Variants in NECTIN1 observed in about 807,000 individuals in gnomAD.
NECTIN1 encodes the protein nectin cell adhesion molecule 1, also known as nectin-1.
A neutral mutation model predicts 48.0 loss-of-function variants in NECTIN1; 23 were observed. The observed-to-expected ratio is 0.48, with a 90% CI of 0.34 to 0.68. NECTIN1 has a LOEUF of 0.68. Ranked by LOEUF, NECTIN1 falls within the 30% of genes least tolerant of loss-of-function variation. The probability of loss-of-function intolerance (pLI) is 0.01; values close to 1 mark genes in which losing one functional copy is unlikely to be tolerated. For synonymous variants in NECTIN1, 270 were observed against 288.9 expected (o/e 0.93, Z 0.66); for missense variants, 591 against 709.9 (o/e 0.83, Z 1.90).
chr11:119,677,364 CAG>C lies in NECTIN1; in HGVS notation c.734-147_734-146del. The C allele has an allele frequency of 9.7e-7, 1 of 1,026,590 alleles. No homozygotes were observed. 63.6% of individuals were successfully genotyped at this position (1,026,590 alleles called of 1,614,324 possible). A position where few individuals can be genotyped will look rare whatever the true frequency, so the allele number is the denominator to read the frequency against. The stretch of plus-strand genomic sequence containing the variant: ...AGTGTGGGTGGGAGGGTGGCAATCA[CAG>C]AGCCCGGGAGTGGAAACAGGAGGGC... On this transcript the variant is annotated intron_variant, in intron 3 of 5. Transcript: ENST00000264025. The surrounding 1 kb of genome is among the most constrained non-coding windows in gnomAD (Gnocchi z 5.4).
chr11:119,706,460 T>C (rs543808911), intron 1 of NECTIN1, among the ~76,000 whole-genome samples: 1 of 152,288 alleles, frequency 6.6e-6, no homozygotes, highest in African/African-American at 2.4e-5. Flanking sequence ...TGAGAACTGC[T>C]GGTTGCCTAG....
intron 5 of NECTIN1, among the ~76,000 whole-genome samples, chr11:119,669,410 C>CA (rs398045650): frequency 0.08 from 10,458 of 130,048 alleles, 966 homozygotes; most frequent in African/African-American, 0.22. Flanking sequence ...GACTCCGTCT[C>CA]AAAAAAAAAA....
intron 1 of NECTIN1, among the ~76,000 whole-genome samples, chr11:119,695,107 G>A (rs1865321185): frequency 6.6e-6 from 1 of 152,172 alleles, no homozygotes; most frequent in African/African-American, 2.4e-5. Context: ...TCCCCAGTAT[G>A]CTGAGAAACT....
At position 119,677,091 on chromosome 11, in the gene NECTIN1, G is replaced by A. The variant is rs1334136758; in HGVS notation, c.851+11C>T. On this transcript the variant is annotated intron_variant, in intron 4 of 5. Transcript: ENST00000264025. The surrounding 1 kb of genome is among the most constrained non-coding windows in gnomAD (Gnocchi z 5.4). The stretch of plus-strand genomic sequence containing the variant: ...TCTTCCAAGGTGACTGGTCAGCCCT[G>A]CAGCACTTACGTGGTCCAGTGGTAC... 6.2e-7 allele frequency: 1 copy of A among 1,610,538 alleles called. No individual in the cohort carries two copies. Among genetic ancestry groups the A allele is most frequent in the Non-Finnish European group, 8.5e-7 (1 of 1,176,720 alleles).
chr11:119,723,933 G>A (rs2134348253), intron 1 of NECTIN1, among the ~76,000 whole-genome samples: 1 of 152,194 alleles, frequency 6.6e-6, no homozygotes, highest in African/African-American at 2.4e-5. Context: ...GTTGGGCTTG[G>A]GCACAGGGTG....
Position 119,677,693 on chromosome 11 carries a change from G to A in NECTIN1, c.595C>T (p.Arg199Trp), listed in dbSNP as rs372177799. 142 of 1,614,016 alleles carry A rather than the reference G, an allele frequency of 8.8e-5. No individual in the cohort carries two copies. Among genetic ancestry groups the A allele is most frequent in the African/African-American group, 1.3e-4 (10 of 74,900 alleles). ...ACCGTCACTGTGCCATTGGGGTTCC[G>A]GATCTCCTGGTACTCTGCCTCACCT... ...LKGEAEYQEI[R>W]NPNGTVTVIS... is the part of the protein sequence containing the mutation. Residue 199 changes from arginine to tryptophan, a missense_variant, in exon 3 of 6, where the codon CGG becomes TGG. Transcript: ENST00000264025. This position sits in a 1 kb window ranked among gnomAD's most constrained non-coding sequence, Gnocchi z 5.4.
Position 119,675,262 on chromosome 11 carries a change from G to C in NECTIN1, c.900C>G (p.Leu300=), listed in dbSNP as rs1294282077. Residue 300 remains leucine, a synonymous_variant, in exon 5 of 6, where the codon CTC becomes CTG. Coordinates refer to ENST00000264025, the MANE Select transcript of NECTIN1 (RefSeq NM_002855.5). ...TGTAGTTGATGGGTCCCTTGAAGAA[G>C]AGGGTTCTGTTCTGGGCCTCCACAC... is the stretch of plus-strand genomic sequence containing the variant. ...PKGVEAQNRT[L]FFKGPINYSL... 8.7e-6 allele frequency: 14 copies of C among 1,614,024 alleles called. No individual in the cohort carries two copies. Among genetic ancestry groups the C allele is most frequent in the Non-Finnish European group, 1.2e-5 (14 of 1,180,046 alleles).
At chr11:119,638,968 C>T (rs1048331097) in intron 6 of NECTIN1, among the ~76,000 whole-genome samples, 18 of 116 alleles carry the variant, frequency 0.16, no homozygotes, top group Non-Finnish European at 0.25. Flanking sequence ...TGGGCTGGGG[C>T]TCCTCAGGGG....
chr11:119,669,096 C>T (rs896313570), intron 5 of NECTIN1, among the ~76,000 whole-genome samples: 1 of 152,164 alleles, frequency 6.6e-6, no homozygotes, highest in Admixed American at 6.5e-5. Flanking sequence ...TGACTGGTGT[C>T]CCAACTAGTT....
At chr11:119,719,159 C>T (rs186339744) in intron 1 of NECTIN1, among the ~76,000 whole-genome samples, 412 of 152,292 alleles carry the variant, frequency 2.7e-3, no homozygotes, top group African/African-American at 8.9e-3. Flanking sequence ...GTTCAACCTG[C>T]GCCAAGACTC....
chr11:119,649,401 A>G (rs1864458304), intron 5 of NECTIN1, among the ~76,000 whole-genome samples: 1 of 151,172 alleles, frequency 6.6e-6, no homozygotes, highest in Admixed American at 6.6e-5. Context: ...AGAAAAAGAA[A>G]AAAAGGCTGG....
chr11:119,692,409 T>C (rs1591469793), intron 1 of NECTIN1, among the ~76,000 whole-genome samples: 3 of 148,738 alleles, frequency 2.0e-5, no homozygotes, highest in Admixed American at 6.6e-5. Flanking sequence ...CTTGTGGCAG[T>C]GATGTGTGTG....
At chr11:119,724,376 C>T (rs536186096) in intron 1 of NECTIN1, among the ~76,000 whole-genome samples, 1 of 152,134 alleles carries the variant, frequency 6.6e-6, no homozygotes, top group Non-Finnish European at 1.5e-5. Context: ...ATATCTCTCC[C>T]GGTGTGGTCA....
At chr11:119,667,402 GAT>G (rs1864791887) in intron 5 of NECTIN1, among the ~76,000 whole-genome samples, 1 of 152,162 alleles carries the variant, frequency 6.6e-6, no homozygotes, top group Non-Finnish European at 1.5e-5. Context: ...CTAGTCACGG[GAT>G]ATGAGAAACT....
At chr11:119,640,570 G>C (rs987663185) in intron 5 of NECTIN1, 3 of 161,418 alleles carry the variant, frequency 1.9e-5, no homozygotes, top group African/African-American at 7.2e-5. Flanking sequence ...GAGGGCTGTG[G>C]TCTAAGGTGA....
intron 1 of NECTIN1, among the ~76,000 whole-genome samples, chr11:119,701,716 TA>T (rs1865455954): frequency 6.6e-6 from 1 of 152,184 alleles, no homozygotes; most frequent in African/African-American, 2.4e-5. Flanking sequence ...AAAGAAAGCC[TA>T]ATTTATTCTC....
At chr11:119,728,062 C>G (rs1016730268) in intron 1 of NECTIN1, among the ~76,000 whole-genome samples, 4 of 152,204 alleles carry the variant, frequency 2.6e-5, no homozygotes, top group African/African-American at 4.8e-5. Context: ...CCCGCAGCTC[C>G]GAGACTGACG....
In NECTIN1 at chr11:119,728,750, G is replaced by T; in HGVS notation, c.-197C>A. 1 of 452,768 alleles carries T rather than the reference G, an allele frequency of 2.2e-6. No homozygotes were observed. 28.0% of individuals were successfully genotyped at this position (452,768 alleles called of 1,614,324 possible). On this transcript the variant is annotated 5_prime_UTR_variant, in exon 1 of 6. Transcript: ENST00000264025. ...CAGTCCGGGCCCCGGGCCGCCGCCG[G>T]CTCAGAGGCTCGGCAGATGCCCGCC... is the stretch of plus-strand genomic sequence containing the variant.
chr11:119,670,777 G>A (rs1864851536), intron 5 of NECTIN1, among the ~76,000 whole-genome samples: 1 of 150,796 alleles, frequency 6.6e-6, no homozygotes, highest in Non-Finnish European at 1.5e-5. Context: ...CTCCTGAGTA[G>A]TTGGGACTAC....
Sources: gnomAD v4.1 joint callset for allele counts (sites outside exome capture counted in the v4.1 genomes callset) on GRCh38, gnomAD v4.1.1 for gene constraint, Gnocchi (gnomAD v3.1) non-coding constraint, MANE v1.5 for transcripts, NCBI Gene and HGNC (gene_info 2026-07-23, HGNC 2026-07-21) for gene names.